The following CSF2RA variants were observed in gnomAD, a reference collection of about 807,000 sequenced individuals.
The protein encoded by CSF2RA is colony stimulating factor 2 receptor subunit alpha.
CSF2RA carries 42 observed loss-of-function variants against 51.6 expected under a neutral mutation model. That is an observed-to-expected ratio of 0.81 (90% confidence interval 0.64 to 1.05). The LOEUF (loss-of-function observed/expected upper bound fraction) is 1.05. CSF2RA is among the 50% of genes least tolerant of loss of function. The pLI, the probability that CSF2RA is intolerant of heterozygous loss-of-function variation, is 0.00. For synonymous variants in CSF2RA, 222 were observed against 193.0 expected, an observed-to-expected ratio of 1.15 and a Z score of -1.24; for missense variants, 530 against 501.1, an observed-to-expected ratio of 1.06 and a Z score of -0.55.
chrX:1,314,346 C>CCCAACCCCACTGCAT (rs2084354926), downstream of CSF2RA, among the ~76,000 whole-genome samples: 1 of 136,362 alleles, frequency 7.3e-6, no homozygotes, highest in South Asian at 2.3e-4. Flanking sequence ...CCCCACTGCG[C>CCCAACCCCACTGCAT]CTGCCCAACC....
chrX:1,300,814 T>G (rs1386950812), intron 10 of CSF2RA, among the ~76,000 whole-genome samples, 188 bp downstream of exon 10: 2 of 152,114 alleles, frequency 1.3e-5, no homozygotes, highest in Non-Finnish European at 2.9e-5. Context: ...TCCCGCAACA[T>G]TGCTTTGCTG....
At chrX:1,323,390 G>A in the CSF2RA span, among the ~76,000 whole-genome samples, 44 of 152,082 alleles carry the variant, frequency 2.9e-4, 1 homozygote, top group African/African-American at 1.0e-3. Context: ...GTTATTAAAC[G>A]TCCATAGTTA....
chrX:1,281,219 A>C (rs1442302459), intron 2 of CSF2RA, among the ~76,000 whole-genome samples: 4,041 of 33,558 alleles, frequency 0.12, no homozygotes, highest in Middle Eastern at 0.16. Flanking sequence ...TCCTTCTCCT[A>C]CTCCTCCTTC....
rs2089900580 is a variant in CSF2RA, at chrX:1,280,956, C to CTCCTCCTCCTGCTTCTCCTCT, written c.-26-1715_-26-1714insCCTGCTTCTCCTCTTCCTCCT. On this transcript the variant is annotated intron_variant, in intron 2 of 12. Transcript: ENST00000381529. Reference sequence around the variant, plus strand: ...CCTCCTCCTCCTCCTGCTTCTCCTCCTCCTCCTTCTCCTCCTCCTGCTTCT... The same window carrying CTCCTCCTCCTGCTTCTCCTCT: ...CCTCCTCCTCCTCCTGCTTCTCCTCCTCCTCCTCCTGCTTCTCCTCTTCCTCCTTCTCCTCCTCCTGCTTCT... 4.5e-5 allele frequency among the ~76,000 whole-genome samples: 5 copies of CTCCTCCTCCTGCTTCTCCTCT among 111,856 alleles called. No individual in the cohort carries two copies. In the East Asian group the frequency reaches 1.2e-3, roughly 26 times the overall value. 73.4% of individuals were successfully genotyped at this position (111,856 alleles called of 152,430 possible).
downstream of CSF2RA, among the ~76,000 whole-genome samples, chrX:1,311,804 A>G (rs1317785696): frequency 6.6e-6 from 1 of 152,142 alleles, no homozygotes; most frequent in Non-Finnish European, 1.5e-5. Context: ...AACACAAAAC[A>G]GACTAAGACG....
chrX:1,279,777 GTT>G (rs35859383), intron 2 of CSF2RA, among the ~76,000 whole-genome samples: 98,210 of 149,674 alleles, frequency 0.66, 32,655 homozygotes, highest in African/African-American at 0.78. Flanking sequence ...AGACACAACC[GTT>G]TTTTTTTTTT....
chrX:1,273,125 CT>C (rs200160495), intron 1 of CSF2RA, among the ~76,000 whole-genome samples: 18,790 of 151,700 alleles, frequency 0.12, 1,482 homozygotes, highest in East Asian at 0.27. Flanking sequence ...GGGCCTCTGA[CT>C]TTTTTTATCT....
chrX:1,289,678 GTTGTGTTTGT>G (rs2091156862), intron 6 of CSF2RA, among the ~76,000 whole-genome samples: 1 of 143,738 alleles, frequency 7.0e-6, no homozygotes, highest in South Asian at 2.3e-4. Flanking sequence ...TTTGTTTTGT[GTTGTGTTTGT>G]TTTTGTTTTG....
chrX:1,314,314 C>T (rs867089894), downstream of CSF2RA, among the ~76,000 whole-genome samples: 536 of 86,514 alleles, frequency 6.2e-3, 51 homozygotes, highest in African/African-American at 0.014. Context: ...TGTGCCTGCC[C>T]AACCACACTG....
At chrX:1,305,681 G>T (rs1417216005) in intron 12 of CSF2RA, 154 bp downstream of exon 12, 1 of 1,581,292 alleles carries the variant, frequency 6.3e-7, no homozygotes, top group Non-Finnish European at 8.6e-7. Context: ...CCACTCCTGG[G>T]CCTTCTCCCG....
Position 1,285,816 on chromosome X carries a change from A to C in CSF2RA, c.115A>C (p.Arg39=). The part of the protein sequence containing the change: ...TVAPASSLNV[R]FDSRTMNLSW... ...GGCACCAGCCTCTAGTCTCAATGTG[A>C]GGTTTGACTCCAGGACGATGAATTT... Residue 39 remains arginine, a synonymous_variant, in exon 4 of 13, where the codon AGG becomes CGG. Transcript: ENST00000381529. The C allele has an allele frequency of 6.2e-7, 1 of 1,611,082 alleles. No individual in the cohort carries two copies. The highest frequency in any genetic ancestry group is 8.5e-7 in the Non-Finnish European group (1 of 1,179,028).
chrX:1,269,495 C>T (rs754834642), intron 1 of CSF2RA, among the ~76,000 whole-genome samples: 9,262 of 151,982 alleles, frequency 0.061, 386 homozygotes, highest in Non-Finnish European at 0.092. Context: ...TGGTGGCAGG[C>T]ACCTGTAATC....
downstream of CSF2RA, among the ~76,000 whole-genome samples, chrX:1,313,881 C>T (rs1234888550): frequency 6.6e-6 from 1 of 152,060 alleles, no homozygotes; most frequent in South Asian, 2.1e-4. Context: ...AGTTGCTGTA[C>T]TCAGGAGGCT....
chrX:1,294,483 C>T (rs758515884), intron 8 of CSF2RA, 22 bp downstream of exon 8: 8 of 1,609,298 alleles, frequency 5.0e-6, no homozygotes, highest in Non-Finnish European at 5.1e-6. Flanking sequence ...CTCCCCGGGG[C>T]TGGGCACCAG....
At chrX:1,314,902 T>TCAACCCCACTTCACCTGCC (rs1174128879), downstream of CSF2RA, among the ~76,000 whole-genome samples, 1 of 18,556 alleles carries the variant, frequency 5.4e-5, no homozygotes. Flanking sequence ...CTGAACCTGC[T>TCAACCCCACTTCACCTGCC]CAACCCCACT....
At chrX:1,314,263 CACTGCGCCTGCCCAACCCCACTGCA>C (rs2084327181), downstream of CSF2RA, among the ~76,000 whole-genome samples, 1 of 30,618 alleles carries the variant, frequency 3.3e-5, no homozygotes. Context: ...TGCCCAACCC[CACTGCGCCTGCCCAACCCCACTGCA>C]TCTGCCCAAC....
chrX:1,323,046 G>A, the CSF2RA span, among the ~76,000 whole-genome samples: 2 of 151,664 alleles, frequency 1.3e-5, no homozygotes, highest in South Asian at 2.1e-4. Flanking sequence ...GGAGAATGGC[G>A]TGAACCCGGG....
chrX:1,307,282 T>C (rs2083670140), intron 12 of CSF2RA, among the ~76,000 whole-genome samples: 1 of 152,136 alleles, frequency 6.6e-6, no homozygotes, highest in South Asian at 2.1e-4. Flanking sequence ...TTTAGACGTT[T>C]GACTGATTAG....
intron 5 of CSF2RA, 40 bp downstream of exon 5, chrX:1,288,682 CCCA>C (rs764265798): frequency 1.2e-6 from 2 of 1,613,770 alleles, no homozygotes; most frequent in South Asian, 2.2e-5. Flanking sequence ...CAGCACTGGC[CCCA>C]CCACCCCGCC....
Sources: allele counts gnomAD v4.1 joint callset (sites outside exome capture counted in the v4.1 genomes callset), GRCh38; gene constraint gnomAD v4.1.1; transcripts MANE v1.5; gene names NCBI Gene and HGNC (gene_info 2026-07-23, HGNC 2026-07-21).